The following PPARA variants were observed in gnomAD, a reference collection of about 807,000 sequenced individuals.
The protein encoded by PPARA is peroxisome proliferator activated receptor alpha.
A neutral mutation model predicts 42.2 loss-of-function variants in PPARA; 22 were observed. The ratio of observed to expected loss-of-function variants is 0.52; its 90% CI spans 0.37 to 0.74. The LOEUF is 0.74. Among genes scored for constraint, PPARA ranks in the 30% least tolerant of loss-of-function variants. PPARA has a pLI of 0.00. For synonymous variants in PPARA, 242 were observed against 239.3 expected (o/e 1.01, Z -0.10); for missense variants, 465 against 608.2 (o/e 0.76, Z 2.48).
Position 46,215,231 on chromosome 22 carries a change from C to T in PPARA, c.267C>T (p.Ser89=), listed in dbSNP as rs746633897. ...SSVTYPVVPG[S]VDESPSGALN... is the part of the protein sequence containing the mutation. ...TGACTTATCCTGTGGTCCCCGGCAG[C>T]GTGGACGAGTCTCCCAGTGGAGCAT... Residue 89 remains serine, a synonymous_variant, in exon 5 of 9, where the codon AGC becomes AGT. Coordinates refer to ENST00000407236, the MANE Select transcript of PPARA (RefSeq NM_005036.6). The T allele has an allele frequency of 6.2e-7, 1 of 1,614,104 alleles. No homozygotes were observed. The highest frequency in any genetic ancestry group is 1.1e-5 in the South Asian group (1 of 91,080).
chr22:46,201,533 G>T (rs1473244847), intron 4 of PPARA, among the ~76,000 whole-genome samples: 1 of 152,202 alleles, frequency 6.6e-6, no homozygotes. Flanking sequence ...CTCCGTGTCA[G>T]GTGGCGCCTT....
rs1250591716 is a variant in PPARA at position 46,211,786 on chromosome 22, AGCCATTCT to A, written c.209-3384_209-3377del. ...CTACAACCTCCGTCTCCTGGGTTCAAGCCATTCTGCTGCCTCAGCTTCCCGAGTAGCTG... is the reference window on the plus strand; with the variant it reads ...CTACAACCTCCGTCTCCTGGGTTCAAGCTGCCTCAGCTTCCCGAGTAGCTG... On this transcript the variant is annotated intron_variant, in intron 4 of 8. Transcript: ENST00000407236. This position sits in a 1 kb window ranked among gnomAD's most constrained non-coding sequence, Gnocchi z 4.1. Among the ~76,000 whole-genome samples the A allele has an allele frequency of 6.6e-6, 1 of 151,152 alleles. No homozygotes were observed. Among genetic ancestry groups the A allele is most frequent in the African/African-American group, 2.4e-5 (1 of 41,080 alleles).
chr22:46,213,738 C>T (rs1007258865), intron 4 of PPARA, among the ~76,000 whole-genome samples: 13 of 152,048 alleles, frequency 8.5e-5, no homozygotes, highest in Admixed American at 6.6e-5. Flanking sequence ...TACAGGCGCC[C>T]CCACCACGCC....
intron 7 of PPARA, among the ~76,000 whole-genome samples, chr22:46,229,048 T>A (rs1935679825): frequency 6.7e-6 from 1 of 149,092 alleles, no homozygotes; most frequent in South Asian, 2.1e-4. Context: ...CGGAGCTTGC[T>A]GTGAGCCAAG....
chr22:46,217,001 A>G (rs1277127967), intron 5 of PPARA, among the ~76,000 whole-genome samples: 1 of 152,184 alleles, frequency 6.6e-6, no homozygotes, highest in Non-Finnish European at 1.5e-5. Context: ...TTTCTGGCAC[A>G]ATGTACCATC....
chr22:46,162,398 C>T lies in PPARA; in HGVS notation c.-127+10428C>T, dbSNP rs767416904. On this transcript the variant is annotated intron_variant, in intron 2 of 8. Transcript: ENST00000407236. This position sits in a 1 kb window ranked among gnomAD's most constrained non-coding sequence, Gnocchi z 6.0. ...CTTCTGGTTCTTCTCGTGCACTGGGCGTGCCGGAGACACACTCCCTTACCC... is the reference window on the plus strand; with the variant it reads ...CTTCTGGTTCTTCTCGTGCACTGGGTGTGCCGGAGACACACTCCCTTACCC... Among the ~76,000 whole-genome samples the T allele has an allele frequency of 2.0e-5, 3 of 152,160 alleles. No individual in the cohort carries two copies. The highest frequency in any genetic ancestry group is 2.4e-5 in the African/African-American group (1 of 41,422).
At chr22:46,198,298 G>A (rs1932559204) in intron 3 of PPARA, 44 bp from the exon 4 acceptor site, 3 of 930,652 alleles carry the variant, frequency 3.2e-6, no homozygotes, top group Non-Finnish European at 5.0e-6. Context: ...ACAAGTGAAC[G>A]TTGTTATACG....
Position 46,216,704 on chromosome 22 carries a change from G to A in PPARA, c.369+1371G>A, listed in dbSNP as rs1484599328. Among the ~76,000 whole-genome samples the A allele has an allele frequency of 1.3e-5, 2 of 152,194 alleles. No homozygotes were observed. Among genetic ancestry groups the A allele is most frequent in the African/African-American group, 4.8e-5 (2 of 41,452 alleles). ...CCTGTGCATCTTCATCCTCCTGCTGGCTCAGCCTGCCCTAAACAGATGTGA... is the reference window on the plus strand; with the variant it reads ...CCTGTGCATCTTCATCCTCCTGCTGACTCAGCCTGCCCTAAACAGATGTGA... On this transcript the variant is annotated intron_variant, in intron 5 of 8. Coordinates refer to ENST00000407236, the MANE Select transcript of PPARA (RefSeq NM_005036.6). This position sits in a 1 kb window ranked among gnomAD's most constrained non-coding sequence, Gnocchi z 4.5.
At position 46,161,815 on chromosome 22, in the gene PPARA, G is replaced by A. The variant is rs1490130229; in HGVS notation, c.-127+9845G>A. Among the ~76,000 whole-genome samples the A allele has an allele frequency of 3.9e-5, 6 of 152,112 alleles. No homozygotes were observed. Among genetic ancestry groups the A allele is most frequent in the African/African-American group, 4.8e-5 (2 of 41,416 alleles). On this transcript the variant is annotated intron_variant, in intron 2 of 8. Coordinates refer to ENST00000407236, the MANE Select transcript of PPARA (RefSeq NM_005036.6). The surrounding 1 kb of genome is among the most constrained non-coding windows in gnomAD (Gnocchi z 4.8). Reference sequence around the variant, plus strand: ...AGCCCTCAGTGGCGTTCCCTTTTCCGCGCTAGCGTTTGGTCCCTGCGCTTT... The same window carrying A: ...AGCCCTCAGTGGCGTTCCCTTTTCCACGCTAGCGTTTGGTCCCTGCGCTTT...
Position 46,235,594 on chromosome 22 carries a change from T to C in PPARA, c.*214T>C. The C allele has an allele frequency of 1.6e-6, 1 of 625,326 alleles. No homozygotes were observed. Among genetic ancestry groups the C allele is most frequent in the East Asian group, 2.9e-5 (1 of 34,198 alleles). The allele number at this position is 625,326 out of a possible 1,614,324, so 38.7% of individuals were successfully genotyped here. A position where few individuals can be genotyped will look rare whatever the true frequency, so the allele number is the denominator to read the frequency against. On this transcript the variant is annotated 3_prime_UTR_variant, in exon 9 of 9. Transcript: ENST00000407236. This position sits in a 1 kb window ranked among gnomAD's most constrained non-coding sequence, Gnocchi z 7.0. ...AACTCAAATGCTGGGGGTAGGTGGC[T>C]AATCTCAGGACTGGGAAGATTACGG...
At position 46,234,188 on chromosome 22, in the gene PPARA, G is replaced by T. The variant is rs181981331; in HGVS notation, c.1160-945G>T. Among the ~76,000 whole-genome samples the T allele has an allele frequency of 4.6e-4, 70 of 152,206 alleles. No homozygotes were observed. The highest frequency in any genetic ancestry group is 4.4e-3 in the East Asian group (23 of 5,178). On this transcript the variant is annotated intron_variant, in intron 8 of 8. Transcript: ENST00000407236. This position sits in a 1 kb window ranked among gnomAD's most constrained non-coding sequence, Gnocchi z 5.8. ...GCCACTCTGGAGGCCGAGGCAGGAG[G>T]ATTGCTTGAGCCTAGGAGTTCCAGT...
In PPARA at chr22:46,195,885, C is replaced by T. The variant is rs555594575; in HGVS notation, c.-42-2457C>T. On this transcript the variant is annotated intron_variant, in intron 3 of 8. Coordinates refer to ENST00000407236, the MANE Select transcript of PPARA (RefSeq NM_005036.6). This position sits in a 1 kb window ranked among gnomAD's most constrained non-coding sequence, Gnocchi z 4.6. ...GACAGTTCTGGAAGCTAAAGGTCAC[C>T]TAGTCAGCCTCGTTGGGTGATTGAT... Among the ~76,000 whole-genome samples the T allele has an allele frequency of 3.2e-3, 481 of 152,250 alleles. 4 individuals are homozygous for T. Among genetic ancestry groups the T allele is most frequent in the African/African-American group, 0.011 (471 of 41,538 alleles).
Position 46,236,058 on chromosome 22 carries a change from C to A in PPARA, c.*678C>A. On this transcript the variant is annotated 3_prime_UTR_variant, in exon 9 of 9. Transcript: ENST00000407236. The surrounding 1 kb of genome is among the most constrained non-coding windows in gnomAD (Gnocchi z 5.2). ...GGTCAGCAGATCGAGACCATCCTGG[C>A]CAACATGGTGAAACCCTGTCTCTAC... 6.5e-6 allele frequency: 1 copy of A among 153,532 alleles called. No homozygotes were observed. Among genetic ancestry groups the A allele is most frequent in the Non-Finnish European group, 1.4e-5 (1 of 68,984 alleles). The allele number at this position is 153,532 out of a possible 1,614,324, so 9.5% of individuals were successfully genotyped here.
At position 46,225,866 on chromosome 22, in the gene PPARA, C is replaced by T. The variant is rs1213234805; in HGVS notation, c.711+5852C>T. Among the ~76,000 whole-genome samples, 5 of 151,658 alleles carry T rather than the reference C, an allele frequency of 3.3e-5. No individual in the cohort carries two copies. Among genetic ancestry groups the T allele is most frequent in the Admixed American group, 6.6e-5 (1 of 15,232 alleles). On this transcript the variant is annotated intron_variant, in intron 7 of 8. Transcript: ENST00000407236. This position sits in a 1 kb window ranked among gnomAD's most constrained non-coding sequence, Gnocchi z 4.1. ...ACACACGCACACACACACATGCACC[C>T]ACACATGGATACACGCACACTCACA...
intron 4 of PPARA, among the ~76,000 whole-genome samples, chr22:46,205,533 TATATATATATATATATA>T (rs1569225968): frequency 5.2e-4 from 17 of 32,906 alleles, no homozygotes; most frequent in African/African-American, 1.2e-3. Context: ...TATATATATA[TATATATATATATATATA>T]TATATTTTTT....
At chr22:46,226,418 T>C (rs778816316) in intron 7 of PPARA, among the ~76,000 whole-genome samples, 12 of 152,242 alleles carry the variant, frequency 7.9e-5, no homozygotes, top group Non-Finnish European at 2.9e-5. Context: ...TGCTACTTTT[T>C]AATCTAACAA....
At chr22:46,174,107 G>A (rs1321207153) in intron 2 of PPARA, among the ~76,000 whole-genome samples, 2 of 151,120 alleles carry the variant, frequency 1.3e-5, no homozygotes, top group African/African-American at 4.9e-5. Flanking sequence ...GAACCCAGGA[G>A]GCAGAGGTTA....
Position 46,235,468 on chromosome 22 carries a change from A to G in PPARA, c.*88A>G, listed in dbSNP as rs1485253804. The stretch of plus-strand genomic sequence containing the variant: ...CGGGGGAGCAGCACGATTTTGCACA[A>G]ATATCCACCACTTTAACCTTAGAGC... On this transcript the variant is annotated 3_prime_UTR_variant, in exon 9 of 9. Coordinates refer to ENST00000407236, the MANE Select transcript of PPARA (RefSeq NM_005036.6). This position sits in a 1 kb window ranked among gnomAD's most constrained non-coding sequence, Gnocchi z 7.0. The G allele has an allele frequency of 1.3e-6, 2 of 1,517,258 alleles. No homozygotes were observed. The highest frequency in any genetic ancestry group is 1.8e-6 in the Non-Finnish European group (2 of 1,115,274). The allele number at this position is 1,517,258 out of a possible 1,614,324, so 94.0% of individuals were successfully genotyped here. A position where few individuals can be genotyped will look rare whatever the true frequency, so the allele number is the denominator to read the frequency against.
In PPARA at chr22:46,225,200, G is replaced by C. The variant is rs542731865; in HGVS notation, c.711+5186G>C. Among the ~76,000 whole-genome samples, 1 of 152,266 alleles carries C rather than the reference G, an allele frequency of 6.6e-6. No individual in the cohort carries two copies. The highest frequency in any genetic ancestry group is 6.5e-5 in the Admixed American group (1 of 15,292). ...CTGTGTCCATCTGGACACTGGGACT[G>C]TTTGAGCCCCTGAGATTTCAGAACC... On this transcript the variant is annotated intron_variant, in intron 7 of 8. Transcript: ENST00000407236. This position sits in a 1 kb window ranked among gnomAD's most constrained non-coding sequence, Gnocchi z 4.1.
Sources: allele counts gnomAD v4.1 joint callset (sites outside exome capture counted in the v4.1 genomes callset), GRCh38; gene constraint gnomAD v4.1.1; non-coding constraint Gnocchi (gnomAD v3.1); transcripts MANE v1.5; gene names NCBI Gene and HGNC (gene_info 2026-07-23, HGNC 2026-07-21).